The following FUT9 variants were observed in gnomAD, a reference collection of about 807,000 sequenced individuals.
FUT9 encodes the protein 4-galactosyl-N-acetylglucosaminide 3-alpha-L-fucosyltransferase 9.
Under a neutral mutation model 29.7 loss-of-function variants are expected in FUT9, and 15 were observed. The observed-to-expected ratio is 0.51, with a 90% confidence interval of 0.34 to 0.78. The LOEUF (loss-of-function observed/expected upper bound fraction) is 0.78. FUT9 is among the 30% of genes least tolerant of loss of function. The pLI is 0.01. For synonymous variants in FUT9, 169 were observed against 153.7 expected (o/e 1.10, Z -0.74); for missense variants, 319 against 425.4 (o/e 0.75, Z 2.20).
chr6:96,073,552 G>A (rs1771097794), intron 1 of FUT9, among the ~76,000 whole-genome samples: 1 of 152,122 alleles, frequency 6.6e-6, no homozygotes, highest in Admixed American at 6.6e-5. Context: ...GTATTCAATA[G>A]GATATAGGAT....
chr6:96,127,355 G>A (rs115352405), intron 2 of FUT9, among the ~76,000 whole-genome samples: 2 of 152,106 alleles, frequency 1.3e-5, no homozygotes, highest in Admixed American at 1.3e-4. Flanking sequence ...CCATGTTGCT[G>A]CGAAGTATGT....
intron 1 of FUT9, among the ~76,000 whole-genome samples, chr6:96,078,998 T>A (rs1479658482): frequency 6.6e-6 from 1 of 152,180 alleles, no homozygotes; most frequent in African/African-American, 2.4e-5. Context: ...GCTAGAGTTT[T>A]GGGCTCAAAG....
intron 1 of FUT9, among the ~76,000 whole-genome samples, chr6:96,033,915 C>A (rs891360921): frequency 4.0e-5 from 6 of 151,408 alleles, no homozygotes; most frequent in African/African-American, 1.2e-4. Flanking sequence ...CACAAATACA[C>A]ACACACACAT....
At chr6:96,037,754 A>G (rs1582185602) in intron 1 of FUT9, among the ~76,000 whole-genome samples, 1 of 152,166 alleles carries the variant, frequency 6.6e-6, no homozygotes, top group East Asian at 1.9e-4. Flanking sequence ...GTACTTATAA[A>G]CAATATCATA....
chr6:96,129,222 G>A (rs562991081), intron 2 of FUT9, among the ~76,000 whole-genome samples: 25 of 145,888 alleles, frequency 1.7e-4, no homozygotes, highest in African/African-American at 5.5e-4. Flanking sequence ...CCGAGATCAC[G>A]CCACTGCACT....
chr6:96,036,200 G>T (rs1770362986), intron 1 of FUT9, among the ~76,000 whole-genome samples: 1 of 149,670 alleles, frequency 6.7e-6, no homozygotes, highest in Non-Finnish European at 1.5e-5. Flanking sequence ...TCAGAATCGA[G>T]ATTCTATATA....
intron 2 of FUT9, among the ~76,000 whole-genome samples, chr6:96,169,474 A>T (rs1175938506): frequency 6.6e-6 from 1 of 152,030 alleles, no homozygotes; most frequent in Non-Finnish European, 1.5e-5. Flanking sequence ...GTAACAATTT[A>T]TTTTTCATTA....
At chr6:96,184,514 G>A (rs941430656) in intron 2 of FUT9, among the ~76,000 whole-genome samples, 4 of 151,640 alleles carry the variant, frequency 2.6e-5, no homozygotes, top group African/African-American at 9.7e-5. Flanking sequence ...GTTTGTTATT[G>A]TTTCTCTAGT....
chr6:96,140,889 A>C (rs1772449846), intron 2 of FUT9, among the ~76,000 whole-genome samples: 1 of 152,236 alleles, frequency 6.6e-6, no homozygotes, highest in African/African-American at 2.4e-5. Flanking sequence ...GTCATGCATT[A>C]CATACCTAAA....
chr6:96,096,160 G>A (rs1163387019), intron 1 of FUT9, among the ~76,000 whole-genome samples: 1 of 151,996 alleles, frequency 6.6e-6, no homozygotes, highest in Non-Finnish European at 1.5e-5. Flanking sequence ...AACCAGGCAA[G>A]CTTAGTAAAT....
intron 1 of FUT9, among the ~76,000 whole-genome samples, chr6:96,048,775 T>C (rs752923517): frequency 6.6e-6 from 1 of 152,048 alleles, no homozygotes; most frequent in African/African-American, 2.4e-5. Context: ...TTGTGGGAAA[T>C]GAGAGGGGGG....
At chr6:96,062,800 G>A (rs890027599) in intron 1 of FUT9, among the ~76,000 whole-genome samples, 3 of 151,924 alleles carry the variant, frequency 2.0e-5, no homozygotes, top group Non-Finnish European at 2.9e-5. Flanking sequence ...TGTAAAAAAA[G>A]AAAATCTTAA....
intron 1 of FUT9, among the ~76,000 whole-genome samples, chr6:96,110,299 G>A (rs561918353): frequency 1.3e-5 from 2 of 152,200 alleles, no homozygotes; most frequent in South Asian, 4.1e-4. Flanking sequence ...GTTTTTGGCT[G>A]AGCCATTTTG....
chr6:96,186,025 C>G (rs534137637), intron 2 of FUT9, among the ~76,000 whole-genome samples: 10 of 152,110 alleles, frequency 6.6e-5, no homozygotes, highest in Non-Finnish European at 1.5e-4. Context: ...TACTTCTAAA[C>G]TCTGCCTTTC....
chr6:96,022,177 C>A (rs1770081069), intron 1 of FUT9, among the ~76,000 whole-genome samples: 1 of 151,978 alleles, frequency 6.6e-6, no homozygotes, highest in African/African-American at 2.4e-5. Flanking sequence ...TGTTTCACTG[C>A]CCTGACCTGT....
chr6:96,017,856 C>G (rs1041304536), intron 1 of FUT9, among the ~76,000 whole-genome samples: 9 of 152,264 alleles, frequency 5.9e-5, no homozygotes, highest in African/African-American at 1.9e-4. Context: ...GAGCAAGTCT[C>G]AGGCTACATA....
intron 2 of FUT9, among the ~76,000 whole-genome samples, chr6:96,139,024 G>A (rs2064718066): frequency 6.6e-6 from 1 of 152,116 alleles, no homozygotes; most frequent in African/African-American, 2.4e-5. Context: ...ATGACCAGCA[G>A]ATAGAAATTA....
intron 2 of FUT9, among the ~76,000 whole-genome samples, chr6:96,162,461 A>C (rs1772929854): frequency 6.6e-6 from 1 of 152,196 alleles, no homozygotes; most frequent in Non-Finnish European, 1.5e-5. Flanking sequence ...GTTAACCTAC[A>C]GACTATGAAT....
chr6:96,203,825 G>C lies in FUT9; in HGVS notation c.670G>C (p.Glu224Gln). 6.2e-7 allele frequency: 1 copy of C among 1,611,890 alleles called. No individual in the cohort carries two copies. Among genetic ancestry groups the C allele is most frequent in the Non-Finnish European group, 8.5e-7 (1 of 1,178,204 alleles). Residue 224 changes from glutamate (E) to glutamine (Q), a missense_variant, in exon 3 of 3, where the codon GAA becomes CAA. Glu to Gln is a conservative substitution (Grantham distance 29). Coordinates refer to ENST00000302103, the MANE Select transcript of FUT9 (RefSeq NM_006581.4). ...EIHTYGQAFGEYVNDKNLIPT... is the reference protein window; with the variant it reads ...EIHTYGQAFGQYVNDKNLIPT... ...CCATACCTACGGGCAAGCATTTGGA[G>C]AATATGTCAATGATAAAAATTTGAT...
Sources: allele counts gnomAD v4.1 joint callset (sites outside exome capture counted in the v4.1 genomes callset), GRCh38; gene constraint gnomAD v4.1.1; transcripts MANE v1.5; gene names NCBI Gene and HGNC (gene_info 2026-07-23, HGNC 2026-07-21).